Variants in HDAC9 observed in about 807,000 individuals in gnomAD.
HDAC9 encodes the protein histone deacetylase 9.
A neutral mutation model predicts 139.4 loss-of-function variants in HDAC9; 41 were observed. The observed-to-expected ratio is 0.29, with a 90% CI of 0.23 to 0.38. The LOEUF is 0.38. Among genes scored for constraint, HDAC9 ranks in the 10% least tolerant of loss-of-function variants. HDAC9 has a pLI of 1.00. For missense variants in HDAC9, 1,147 were observed against 1,297.0 expected (o/e 0.88, Z 1.78); for synonymous variants, 517 against 476.2 (o/e 1.09, Z -1.12).
chr7:18,118,938 C>T (rs1433000833), intron 1 of HDAC9, among the ~76,000 whole-genome samples: 5 of 152,142 alleles, frequency 3.3e-5, no homozygotes, highest in South Asian at 2.1e-4. Context: ...AGATTTAAGA[C>T]GGCATGAGTA....
intron 13 of HDAC9, among the ~76,000 whole-genome samples, chr7:18,735,418 T>G (rs1786791483): frequency 6.7e-6 from 1 of 149,638 alleles, no homozygotes; most frequent in African/African-American, 2.6e-5. Context: ...TTGTATAAGG[T>G]GTAAGGAAGG....
intron 22 of HDAC9, among the ~76,000 whole-genome samples, chr7:18,888,381 T>C (rs1463756483): frequency 1.3e-5 from 2 of 152,118 alleles, no homozygotes; most frequent in African/African-American, 4.8e-5. Flanking sequence ...GCCGAGAGCG[T>C]GTCACTGCAC....
chr7:18,870,058 G>A (rs1798798333), intron 21 of HDAC9, among the ~76,000 whole-genome samples: 1 of 152,022 alleles, frequency 6.6e-6, no homozygotes, highest in Non-Finnish European at 1.5e-5. Flanking sequence ...TACAGAAAAA[G>A]CTGTCAAAAT....
At chr7:18,112,820 T>C (rs1783714028) in intron 1 of HDAC9, among the ~76,000 whole-genome samples, 1 of 152,160 alleles carries the variant, frequency 6.6e-6, no homozygotes, top group Non-Finnish European at 1.5e-5. Context: ...AAGAAGCAGG[T>C]CACACGTACT....
At chr7:18,986,866 T>A (rs1301015528) in intron 25 of HDAC9, among the ~76,000 whole-genome samples, 2 of 152,198 alleles carry the variant, frequency 1.3e-5, no homozygotes, top group Non-Finnish European at 2.9e-5. Flanking sequence ...GATTTGGCTG[T>A]TTGTCTGTTG....
chr7:18,943,354 C>G (rs1470082301), intron 23 of HDAC9, among the ~76,000 whole-genome samples: 3 of 152,038 alleles, frequency 2.0e-5, no homozygotes, highest in Non-Finnish European at 4.4e-5. Context: ...ACAAGAATAT[C>G]AATAATCTGA....
intron 1 of HDAC9, among the ~76,000 whole-genome samples, chr7:18,153,570 C>T (rs1353627809): frequency 6.6e-6 from 1 of 152,106 alleles, no homozygotes; most frequent in Non-Finnish European, 1.5e-5. Context: ...TCCTCATCTG[C>T]CCTGCAGAAA....
intron 25 of HDAC9, among the ~76,000 whole-genome samples, chr7:18,994,429 A>G (rs951860948): frequency 2.6e-5 from 4 of 152,212 alleles, no homozygotes; most frequent in Non-Finnish European, 5.9e-5. Context: ...ACTTTTCTGA[A>G]GTATGACTCA....
chr7:18,796,238 G>T (rs542460356), intron 17 of HDAC9, among the ~76,000 whole-genome samples: 30 of 152,224 alleles, frequency 2.0e-4, no homozygotes, highest in African/African-American at 7.2e-4. Flanking sequence ...CAGAGGATGA[G>T]GACCTAAAAG....
At chr7:18,858,831 C>G (rs1797880615) in intron 21 of HDAC9, among the ~76,000 whole-genome samples, 1 of 152,100 alleles carries the variant, frequency 6.6e-6, no homozygotes, top group Non-Finnish European at 1.5e-5. Flanking sequence ...CTCATTTTTA[C>G]CATGTCCTGA....
rs111241372 is a variant in HDAC9 at position 18,728,102 on chromosome 7, T to C, written c.1909+345T>C. On this transcript the variant is annotated intron_variant, in intron 13 of 25. Transcript: ENST00000686413. ...CCAGTCACTAGGAAATTGATGATGC[T>C]TGGCTTCCTCATTTGACTCCAAAGA... Among the ~76,000 whole-genome samples, 402 of 152,340 alleles carry C rather than the reference T, an allele frequency of 2.6e-3. 3 individuals are homozygous for C. The highest frequency in any genetic ancestry group is 9.2e-3 in the African/African-American group (383 of 41,576).
At chr7:18,446,744 T>C (rs972549780) in intron 1 of HDAC9, among the ~76,000 whole-genome samples, 2 of 152,130 alleles carry the variant, frequency 1.3e-5, no homozygotes, top group Non-Finnish European at 2.9e-5. Flanking sequence ...GAGAACAACA[T>C]ATATTTTCCT....
chr7:18,720,018 A>G (rs1238081339), intron 12 of HDAC9, among the ~76,000 whole-genome samples: 1 of 152,202 alleles, frequency 6.6e-6, no homozygotes, highest in Non-Finnish European at 1.5e-5. Flanking sequence ...TCCTTAAGCA[A>G]GGAACACACT....
At position 18,309,765 on chromosome 7, in the gene HDAC9, C is replaced by T. The variant is rs373985181; in HGVS notation, c.-42+19250C>T. Among the ~76,000 whole-genome samples the T allele has an allele frequency of 6.6e-5, 10 of 152,054 alleles. No individual in the cohort carries two copies. The East Asian group carries it at 1.9e-3, about 29-fold the overall frequency. On this transcript the variant is annotated intron_variant, in intron 1 of 3. Coordinates refer to the HDAC9 transcript ENST00000413509. ...TTGTTCTCAATTAATAAAACTAAAT[C>T]ACTAGATTTTAAAACTGACTTGGAT...
chr7:18,607,853 A>T (rs1835958283), intron 6 of HDAC9, among the ~76,000 whole-genome samples: 1 of 152,182 alleles, frequency 6.6e-6, no homozygotes, highest in African/African-American at 2.4e-5. Context: ...ATAAATGACC[A>T]TGCTTTTGCA....
chr7:18,636,639 G>A (rs908287945), intron 8 of HDAC9, among the ~76,000 whole-genome samples: 7 of 151,884 alleles, frequency 4.6e-5, no homozygotes, highest in East Asian at 1.9e-4. Flanking sequence ...TTCAGGTCCC[G>A]CATCTATTTC....
At chr7:18,360,532 T>G (rs2128688355) in intron 1 of HDAC9, among the ~76,000 whole-genome samples, 1 of 152,280 alleles carries the variant, frequency 6.6e-6, no homozygotes, top group East Asian at 1.9e-4. Context: ...AAAGGAGAAT[T>G]TAAGAATTAC....
At chr7:18,855,492 G>A (rs1797611043) in intron 21 of HDAC9, among the ~76,000 whole-genome samples, 1 of 151,764 alleles carries the variant, frequency 6.6e-6, no homozygotes, top group Non-Finnish European at 1.5e-5. Context: ...TCTTCATCAT[G>A]AGCATGCCTT....
At chr7:18,548,093 T>C (rs957807247) in intron 2 of HDAC9, among the ~76,000 whole-genome samples, 2 of 152,098 alleles carry the variant, frequency 1.3e-5, no homozygotes, top group African/African-American at 2.4e-5. Flanking sequence ...GAGGCCATTG[T>C]AGGGTTATTA....
Sources: gnomAD v4.1 joint callset for allele counts (sites outside exome capture counted in the v4.1 genomes callset) on GRCh38, gnomAD v4.1.1 for gene constraint, MANE v1.5 for transcripts, NCBI Gene and HGNC (gene_info 2026-07-23, HGNC 2026-07-21) for gene names.